Variants in AHCYL1 observed in about 807,000 individuals in gnomAD.
AHCYL1 encodes S-adenosylhomocysteine hydrolase-like protein 1.
AHCYL1 carries 20 observed loss-of-function variants against 79.3 expected under a neutral mutation model. The ratio of observed to expected loss-of-function variants is 0.25; its 90% CI spans 0.18 to 0.37. AHCYL1 has a LOEUF of 0.37. Among genes scored for constraint, AHCYL1 ranks in the 10% least tolerant of loss-of-function variants. The probability of loss-of-function intolerance (pLI) is 1.00; values close to 1 mark genes in which losing one functional copy is unlikely to be tolerated. For missense variants in AHCYL1, 330 were observed against 673.6 expected (o/e 0.49, Z 5.65); for synonymous variants, 223 against 242.2 (o/e 0.92, Z 0.74).
intron 1 of AHCYL1, among the ~76,000 whole-genome samples, chr1:109,994,799 C>A (rs1186926086): frequency 6.6e-6 from 1 of 152,142 alleles, no homozygotes; most frequent in Non-Finnish European, 1.5e-5. Context: ...GAGAAGTAGC[C>A]CAGCTGGCTT....
chr1:110,002,809 G>A (rs547910199), intron 1 of AHCYL1, among the ~76,000 whole-genome samples: 6 of 152,316 alleles, frequency 3.9e-5, no homozygotes, highest in Middle Eastern at 3.4e-3. Flanking sequence ...TGATAATGAT[G>A]CAAGGTGAAA....
intron 1 of AHCYL1, 162 bp downstream of exon 1, chr1:109,985,334 T>G (rs1311709032): frequency 7.5e-7 from 1 of 1,336,342 alleles, no homozygotes; most frequent in African/African-American, 1.5e-5. Context: ...TCTCCCGGGC[T>G]GAAAGGCCGC....
At chr1:110,018,164 G>A (rs1651542256) in intron 11 of AHCYL1, 148 bp downstream of exon 11, 1 of 1,069,656 alleles carries the variant, frequency 9.3e-7, no homozygotes, top group Non-Finnish European at 1.3e-6. Context: ...ATGTTTTCCA[G>A]AGTAAAAAAC....
chr1:109,992,962 A>C (rs1001939262), intron 1 of AHCYL1, among the ~76,000 whole-genome samples: 1 of 152,240 alleles, frequency 6.6e-6, no homozygotes, highest in Non-Finnish European at 1.5e-5. Context: ...TTAAGTTTCC[A>C]GCCTGCAGTT....
At position 110,010,870 on chromosome 1, in the gene AHCYL1, C is replaced by A. The variant is rs568628639; in HGVS notation, c.233-344C>A. Among the ~76,000 whole-genome samples the A allele has an allele frequency of 1.2e-3, 187 of 152,310 alleles. 1 individual carries two copies. The highest frequency in any genetic ancestry group is 9.7e-3 in the South Asian group (47 of 4,824). On this transcript the variant is annotated intron_variant, in intron 2 of 16. Coordinates refer to ENST00000369799, the MANE Select transcript of AHCYL1 (RefSeq NM_006621.7). The stretch of plus-strand genomic sequence containing the variant: ...CATTCCTTATCTGCCCTAAATTATT[C>A]TTCTGTTTTTGCCAGGTCTGGTTCC...
chr1:110,007,456 G>C (rs1039124633), intron 1 of AHCYL1, among the ~76,000 whole-genome samples: 1 of 152,164 alleles, frequency 6.6e-6, no homozygotes, highest in African/African-American at 2.4e-5. Flanking sequence ...TTTACTGACT[G>C]TAGAAATCAG....
At chr1:110,004,029 C>T in intron 1 of AHCYL1, 2 of 985,378 alleles carry the variant, frequency 2.0e-6, no homozygotes, top group South Asian at 4.7e-5. Flanking sequence ...TGTTCCTTAC[C>T]TTTTAAGTGA....
chr1:110,009,268 T>C, intron 2 of AHCYL1, 123 bp downstream of exon 2: 1 of 816,702 alleles, frequency 1.2e-6, no homozygotes, highest in Non-Finnish European at 1.9e-6. Flanking sequence ...TGAAAACTGT[T>C]AGTGGCTGGG....
rs1014838746 is a variant in AHCYL1 at position 110,022,290 on chromosome 1, C to A, written c.*610C>A. On this transcript the variant is annotated 3_prime_UTR_variant, in exon 17 of 17. Coordinates refer to ENST00000369799, the MANE Select transcript of AHCYL1 (RefSeq NM_006621.7). ...TAGTATAGCCCTTCCTCCACTCCCA[C>A]CAGACTTGCTCATTTTTCGAGTTTT... 1 of 152,026 alleles carries A rather than the reference C, an allele frequency of 6.6e-6. No individual in the cohort carries two copies. Among genetic ancestry groups the A allele is most frequent in the Admixed American group, 6.6e-5 (1 of 15,266 alleles). The allele number at this position is 152,026 out of a possible 1,614,324, so 9.4% of individuals were successfully genotyped here.
rs1354163375 is a variant in AHCYL1, at chr1:109,991,351, C to G, written c.120+6179C>G. On this transcript the variant is annotated intron_variant, in intron 1 of 16. Transcript: ENST00000369799. ...CTCCAAGCATGCTCCTGCTTCTTAC[C>G]ATAAAAGCCCCAACGCCTCCGCTGA... is the stretch of plus-strand genomic sequence containing the variant. 2.0e-5 allele frequency among the ~76,000 whole-genome samples: 3 copies of G among 152,136 alleles called. No homozygotes were observed. The South Asian group carries it at 6.2e-4, about 31-fold the overall frequency.
At chr1:110,015,270 A>G (rs1043285622) in intron 6 of AHCYL1, among the ~76,000 whole-genome samples, 155 bp from the exon 7 acceptor site, 1 of 152,208 alleles carries the variant, frequency 6.6e-6, no homozygotes, top group African/African-American at 2.4e-5. Flanking sequence ...AACAAATTTG[A>G]CTGTATTTCC....
At chr1:110,012,613 T>G (rs768044571) in intron 4 of AHCYL1, 151 bp downstream of exon 4, 193 of 643,962 alleles carry the variant, frequency 3.0e-4, no homozygotes, top group African/African-American at 4.9e-4. Context: ...GTTTTCTGGG[T>G]TTTTTTTTAA....
intron 1 of AHCYL1, among the ~76,000 whole-genome samples, chr1:110,007,863 C>T (rs940514229): frequency 6.6e-6 from 1 of 151,946 alleles, no homozygotes; most frequent in Non-Finnish European, 1.5e-5. Context: ...AACAGGAGTT[C>T]GGGAGGAAGG....
At chr1:110,014,956 A>T in intron 6 of AHCYL1, 99 bp downstream of exon 6, 1 of 1,119,698 alleles carries the variant, frequency 8.9e-7, no homozygotes, top group Non-Finnish European at 1.3e-6. Context: ...GTTTGGTCTT[A>T]TGCACTGACT....
chr1:110,008,394 A>G (rs1650804046), intron 1 of AHCYL1, among the ~76,000 whole-genome samples: 1 of 152,116 alleles, frequency 6.6e-6, no homozygotes, highest in Non-Finnish European at 1.5e-5. Context: ...AATTTACTAT[A>G]GTGTATGTGG....
chr1:109,989,668 G>A (rs1386397567), intron 1 of AHCYL1, among the ~76,000 whole-genome samples: 1 of 152,132 alleles, frequency 6.6e-6, no homozygotes, highest in East Asian at 1.9e-4. Context: ...GCCCTCTTGG[G>A]GTTGTTTTAA....
At chr1:109,998,438 C>A (rs1203763062) in intron 1 of AHCYL1, among the ~76,000 whole-genome samples, 1 of 152,004 alleles carries the variant, frequency 6.6e-6, no homozygotes, top group Non-Finnish European at 1.5e-5. Context: ...CTGGGCAACA[C>A]AAGGAGACCC....
intron 5 of AHCYL1, among the ~76,000 whole-genome samples, chr1:110,013,871 G>T (rs1387542730): frequency 6.7e-6 from 1 of 149,510 alleles, no homozygotes; most frequent in African/African-American, 2.5e-5. Flanking sequence ...CGCAGTCTCG[G>T]CTCACTGCAA....
At chr1:109,989,006 G>T (rs1164337162) in intron 1 of AHCYL1, among the ~76,000 whole-genome samples, 13 of 152,240 alleles carry the variant, frequency 8.5e-5, no homozygotes, top group Non-Finnish European at 1.5e-5. Flanking sequence ...ACTGAAAGGA[G>T]ATTTCATAGG....
Sources: allele counts gnomAD v4.1 joint callset (sites outside exome capture counted in the v4.1 genomes callset), GRCh38; gene constraint gnomAD v4.1.1; transcripts MANE v1.5; gene names NCBI Gene and HGNC (gene_info 2026-07-23, HGNC 2026-07-21).